Variants in NRIP1 observed in about 807,000 individuals in gnomAD.
NRIP1 encodes nuclear receptor interacting protein 1.
A neutral mutation model predicts 75.0 loss-of-function variants in NRIP1; 28 were observed. The observed-to-expected ratio is 0.37, with a 90% CI of 0.28 to 0.51. The LOEUF is 0.51. Among genes scored for constraint, NRIP1 ranks in the 20% least tolerant of loss-of-function variants. The probability of loss-of-function intolerance (pLI) is 0.92; values close to 1 mark genes in which losing one functional copy is unlikely to be tolerated. For missense variants in NRIP1, 1,435 were observed against 1,343.7 expected (o/e 1.07, Z -1.06); for synonymous variants, 526 against 487.6 (o/e 1.08, Z -1.04).
chr21:14,978,538 T>G (rs1232691155), intron 3 of NRIP1, among the ~76,000 whole-genome samples: 1 of 152,168 alleles, frequency 6.6e-6, no homozygotes. Context: ...TTTGCTTATC[T>G]CATAACAGCT....
intron 2 of NRIP1, among the ~76,000 whole-genome samples, chr21:15,028,775 C>A (rs2147244875): frequency 6.6e-6 from 1 of 152,180 alleles, no homozygotes; most frequent in African/African-American, 2.4e-5. Flanking sequence ...ATTGAAATTA[C>A]ATACTTTTAA....
chr21:15,044,912 G>T (rs755093835), intron 1 of NRIP1, among the ~76,000 whole-genome samples: 17 of 152,154 alleles, frequency 1.1e-4, no homozygotes, highest in Admixed American at 6.5e-5. Flanking sequence ...CTCAGTAAAT[G>T]TCTGATAAAT....
At chr21:15,017,879 T>C (rs2088274409) in intron 2 of NRIP1, among the ~76,000 whole-genome samples, 1 of 152,204 alleles carries the variant, frequency 6.6e-6, no homozygotes, top group Non-Finnish European at 1.5e-5. Context: ...ATGTTAATGG[T>C]TGGTCTCTAC....
chr21:14,966,818 A>T lies in NRIP1; in HGVS notation c.1375T>A (p.Ser459Thr), dbSNP rs772366287. Residue 459 changes from serine (S) to threonine (T), a missense_variant, in exon 4 of 4, where the codon TCC becomes ACC. Coordinates refer to ENST00000318948, the MANE Select transcript of NRIP1 (RefSeq NM_003489.4). ...AAGGATTGAGTGAAGTTATCCAGGG[A>T]AACAGGTTGGTCAGATTCTGATTTT... ...TEKSESDQPV[S>T]LDNFTQSLLN... The T allele has an allele frequency of 6.2e-7, 1 of 1,614,152 alleles. No individual in the cohort carries two copies. Among genetic ancestry groups the T allele is most frequent in the Non-Finnish European group, 8.5e-7 (1 of 1,180,008 alleles).
chr21:14,990,508 G>A (rs2087539845), intron 3 of NRIP1, among the ~76,000 whole-genome samples: 1 of 152,222 alleles, frequency 6.6e-6, no homozygotes, highest in Non-Finnish European at 1.5e-5. Context: ...ATGAGGCAGT[G>A]TAGAGGGAAT....
At chr21:15,018,322 C>T (rs2088284788) in intron 2 of NRIP1, among the ~76,000 whole-genome samples, 1 of 152,026 alleles carries the variant, frequency 6.6e-6, no homozygotes, top group Non-Finnish European at 1.5e-5. Context: ...GGAATTACAA[C>T]ATGAATAAGA....
intron 2 of NRIP1, among the ~76,000 whole-genome samples, chr21:15,021,990 T>C (rs2088388211): frequency 6.6e-6 from 1 of 152,172 alleles, no homozygotes. Context: ...TGGCAAGTCC[T>C]CAAAGACCTA....
At chr21:14,977,574 A>C (rs1260358829) in intron 3 of NRIP1, among the ~76,000 whole-genome samples, 1 of 111,560 alleles carries the variant, frequency 9.0e-6, no homozygotes, top group Non-Finnish European at 2.1e-5. Context: ...TCTATTATCA[A>C]TTAAAAAGTC....
chr21:15,024,582 G>C (rs893837193), intron 2 of NRIP1, among the ~76,000 whole-genome samples: 1 of 151,432 alleles, frequency 6.6e-6, no homozygotes, highest in Non-Finnish European at 1.5e-5. Flanking sequence ...GTGTGTGTGT[G>C]TGTGTGTGTG....
At chr21:15,038,946 A>T (rs2088893637) in intron 2 of NRIP1, among the ~76,000 whole-genome samples, 1 of 152,128 alleles carries the variant, frequency 6.6e-6, no homozygotes, top group Non-Finnish European at 1.5e-5. Context: ...TTTTAGAAAG[A>T]TTAAACAATA....
At chr21:15,060,485 C>T (rs1285211406) in intron 1 of NRIP1, among the ~76,000 whole-genome samples, 4 of 152,152 alleles carry the variant, frequency 2.6e-5, no homozygotes, top group Non-Finnish European at 5.9e-5. Flanking sequence ...AAAGAATTAT[C>T]CAGTTCACCA....
At chr21:15,064,006 G>A (rs1978590197) in intron 1 of NRIP1, among the ~76,000 whole-genome samples, 1 of 152,240 alleles carries the variant, frequency 6.6e-6, no homozygotes, top group South Asian at 2.1e-4. Context: ...TACTTTGGAA[G>A]GGATGGGAGG....
Position 14,967,769 on chromosome 21 carries a change from A to T in NRIP1, c.424T>A (p.Ser142Thr). 3.1e-6 allele frequency: 5 copies of T among 1,614,138 alleles called. No individual in the cohort carries two copies. The highest frequency in any genetic ancestry group is 4.2e-6 in the Non-Finnish European group (5 of 1,180,012). The change falls in exon 4 of 4, where the codon TCT (serine) becomes ACT (threonine). Residue 142 changes from serine (S) to threonine (T), a missense_variant. By Grantham distance (58) the Ser-to-Thr change is moderately conservative. Transcript: ENST00000318948. ...GACAGAGCAACAGTCTGCAGCCTAGAGCTGAATGACTGAAGCAAAGAGGCC... is the reference window on the plus strand; with the variant it reads ...GACAGAGCAACAGTCTGCAGCCTAGTGCTGAATGACTGAAGCAAAGAGGCC... Reference protein sequence around the residue: ...LLASLLQSFSSRLQTVALSQQ... With the variant: ...LLASLLQSFSTRLQTVALSQQ...
intron 3 of NRIP1, among the ~76,000 whole-genome samples, chr21:15,011,203 T>C (rs1340060963): frequency 2.0e-5 from 3 of 152,188 alleles, no homozygotes; most frequent in Non-Finnish European, 4.4e-5. Flanking sequence ...TGGCACTTTT[T>C]TTTTGAGATG....
Position 14,962,503 on chromosome 21 carries a change from A to T in NRIP1, c.*2213T>A, listed in dbSNP as rs1041879982. The T allele has an allele frequency of 6.6e-6, 1 of 152,418 alleles. No individual in the cohort carries two copies. Among genetic ancestry groups the T allele is most frequent in the Non-Finnish European group, 1.5e-5 (1 of 67,930 alleles). 9.4% of individuals were successfully genotyped at this position (152,418 alleles called of 1,614,324 possible). On this transcript the variant is annotated 3_prime_UTR_variant, in exon 4 of 4. Coordinates refer to ENST00000318948, the MANE Select transcript of NRIP1 (RefSeq NM_003489.4). ...ACCTAAATTTCACTCTCTTGTAAAA[A>T]GGTCATTTCCCCCTACCCAAGGGAG... is the stretch of plus-strand genomic sequence containing the variant.
intron 3 of NRIP1, among the ~76,000 whole-genome samples, chr21:14,977,217 A>G (rs2146991445): frequency 6.6e-6 from 1 of 152,328 alleles, no homozygotes; most frequent in East Asian, 1.9e-4. Flanking sequence ...ATTAGAAGAA[A>G]AATATCTAAG....
chr21:15,011,554 C>G (rs2088103978), intron 3 of NRIP1, among the ~76,000 whole-genome samples: 1 of 152,046 alleles, frequency 6.6e-6, no homozygotes, highest in Admixed American at 6.6e-5. Flanking sequence ...GTTTTAAACT[C>G]AAGACATCTA....
intron 3 of NRIP1, among the ~76,000 whole-genome samples, chr21:14,988,403 T>C (rs1175213985): frequency 6.6e-6 from 1 of 151,102 alleles, no homozygotes; most frequent in Non-Finnish European, 1.5e-5. Flanking sequence ...CCTTGAGGCT[T>C]AGGATTGTCT....
chr21:15,012,230 T>G (rs1283828918), intron 3 of NRIP1, among the ~76,000 whole-genome samples: 1 of 152,200 alleles, frequency 6.6e-6, no homozygotes, highest in Non-Finnish European at 1.5e-5. Flanking sequence ...TTCTATACTT[T>G]GACCCAACAT....
Sources: gnomAD v4.1 joint callset for allele counts (sites outside exome capture counted in the v4.1 genomes callset) on GRCh38, gnomAD v4.1.1 for gene constraint, MANE v1.5 for transcripts, NCBI Gene and HGNC (gene_info 2026-07-23, HGNC 2026-07-21) for gene names.